TEX15: variants seen among roughly 807,000 people sequenced by gnomAD.
TEX15 encodes the protein testis expressed 15, meiosis and synapsis associated, also known as testis-expressed protein 15.
Under a neutral mutation model 237.3 loss-of-function variants are expected in TEX15, and 171 were observed. That is an observed-to-expected ratio of 0.72 (90% CI 0.64 to 0.82). The LOEUF (loss-of-function observed/expected upper bound fraction) is 0.82. Among genes scored for constraint, TEX15 ranks in the 40% least tolerant of loss-of-function variants. The pLI, the probability that TEX15 is intolerant of heterozygous loss-of-function variation, is 0.00. For missense variants in TEX15, 3,750 were observed against 3,646.5 expected (o/e 1.03, Z -0.73); for synonymous variants, 1,338 against 1,269.8 (o/e 1.05, Z -1.14).
At chr8:30,906,047 T>G (rs1774862016) in intron 1 of TEX15, among the ~76,000 whole-genome samples, 1 of 152,056 alleles carries the variant, frequency 6.6e-6, no homozygotes, top group Admixed American at 6.5e-5. Context: ...ATTTAGTAGA[T>G]TAATTCAGTT....
chr8:30,897,240 A>AT (rs1422858355), intron 2 of TEX15, among the ~76,000 whole-genome samples: 1 of 152,192 alleles, frequency 6.6e-6, no homozygotes, highest in Non-Finnish European at 1.5e-5. Context: ...TTAAAGTTGT[A>AT]TTGTAAACTG....
intron 2 of TEX15, chr8:30,887,877 ACATATATATTT>A (rs1808690823): frequency 7.4e-6 from 1 of 134,324 alleles, no homozygotes; most frequent in Non-Finnish European, 1.6e-5. Context: ...TATATATTTC[ACATATATATTT>A]CATATATATA....
chr8:30,858,840 G>A lies in TEX15; in HGVS notation c.688-10C>T. 2 of 1,516,768 alleles carry A rather than the reference G, an allele frequency of 1.3e-6. No homozygotes were observed. Among genetic ancestry groups the A allele is most frequent in the Non-Finnish European group, 1.8e-6 (2 of 1,140,110 alleles). 94.0% of individuals were successfully genotyped at this position (1,516,768 alleles called of 1,614,324 possible). A position where few individuals can be genotyped will look rare whatever the true frequency, so the allele number is the denominator to read the frequency against. On this transcript the variant is annotated splice_polypyrimidine_tract_variant and intron_variant, in intron 6 of 10. Transcript: ENST00000643185. Reference sequence around the variant, plus strand: ...ATTCATAGAAGTACACCTGAAAGATGAAAACAGGTTCATGCTGATTAATTT... The same window carrying A: ...ATTCATAGAAGTACACCTGAAAGATAAAAACAGGTTCATGCTGATTAATTT...
At chr8:30,881,345 G>T in intron 3 of TEX15, among the ~76,000 whole-genome samples, 1 of 151,600 alleles carries the variant, frequency 6.6e-6, no homozygotes, top group Admixed American at 6.6e-5. Context: ...AAACCATCTG[G>T]GCCTTAAACT....
rs767338126 is a variant in TEX15 at position 30,843,953 on chromosome 8, T to C, written c.6214A>G (p.Thr2072Ala). The change falls in exon 8 of 11, where the codon ACT becomes GCT. Residue 2072 changes from threonine to alanine, a missense_variant. Coordinates refer to ENST00000643185, the MANE Select transcript of TEX15 (RefSeq NM_001350162.2). Reference sequence around the variant, plus strand: ...ATCATCATTTGAAGTTCTACCAAAGTGTCAACAGCACATGGTTTTAATGTG... The same window carrying C: ...ATCATCATTTGAAGTTCTACCAAAGCGTCAACAGCACATGGTTTTAATGTG... ...KHTLKPCAVD[T>A]LVELQMMMET... 3 of 1,612,990 alleles carry C rather than the reference T, an allele frequency of 1.9e-6. No individual in the cohort carries two copies. In the East Asian group the frequency reaches 6.7e-5, roughly 36 times the overall value.
rs1585286116 is a variant in TEX15 at position 30,848,259 on chromosome 8, C to T, written c.1908G>A (p.Lys636=). ...DLEDSSKHEE[K]QTSWKEIDND... ...TATCAATTTCTTTCCATGAAGTTTG[C>T]TTTTCTTCATGTTTGGAACTGTCTT... The change falls in exon 8 of 11, where the codon AAG becomes AAA. Residue 636 remains lysine, a synonymous_variant. Coordinates refer to ENST00000643185, the MANE Select transcript of TEX15 (RefSeq NM_001350162.2). 13 of 1,611,886 alleles carry T rather than the reference C, an allele frequency of 8.1e-6. No individual in the cohort carries two copies. Among genetic ancestry groups the T allele is most frequent in the Admixed American group, 1.7e-5 (1 of 59,654 alleles).
intron 5 of TEX15, among the ~76,000 whole-genome samples, chr8:30,861,895 C>G (rs1362299914): frequency 6.6e-6 from 1 of 152,058 alleles, no homozygotes; most frequent in Non-Finnish European, 1.5e-5. Flanking sequence ...TCACTAAATA[C>G]AGTCAGTAAA....
At position 30,845,346 on chromosome 8, in the gene TEX15, G is replaced by C. The variant is rs372369352; in HGVS notation, c.4821C>G (p.Asp1607Glu). ...TACTTTCATTTATTACTTCATTAGC[G>C]TCACAACTGTTTTCTTTAGTTGCAT... Reference protein sequence around the residue: ...VKDATKENSCDANEVINESNS... With the variant: ...VKDATKENSCEANEVINESNS... The change falls in exon 8 of 11, where the codon GAC becomes GAG. Residue 1607 changes from aspartate (D) to glutamate (E), a missense_variant. Coordinates refer to ENST00000643185, the MANE Select transcript of TEX15 (RefSeq NM_001350162.2). The C allele has an allele frequency of 6.2e-7, 1 of 1,611,612 alleles. No homozygotes were observed. The highest frequency in any genetic ancestry group is 8.5e-7 in the Non-Finnish European group (1 of 1,178,576).
In TEX15 at chr8:30,842,684, A is replaced by T; in HGVS notation, c.7483T>A (p.Phe2495Ile). Residue 2495 changes from phenylalanine (F) to isoleucine (I), a missense_variant, in exon 8 of 11, where the codon TTT becomes ATT. Physicochemically the swap from Phe to Ile is conservative, Grantham distance 21. Coordinates refer to ENST00000643185, the MANE Select transcript of TEX15 (RefSeq NM_001350162.2). ...LVQCQEKMAS[F>I]SFLKDNSTDV... ...GTTGAGTTATCTTTAAGAAATGAAA[A>T]AGAAGCCATTTTTTCTTGGCACTGA... 6.2e-7 allele frequency: 1 copy of T among 1,612,970 alleles called. No individual in the cohort carries two copies. Among genetic ancestry groups the T allele is most frequent in the Non-Finnish European group, 8.5e-7 (1 of 1,179,792 alleles).
chr8:30,845,931 T>C lies in TEX15; in HGVS notation c.4236A>G (p.Leu1412=). Residue 1412 remains leucine (L), a synonymous_variant, in exon 8 of 11, where the codon TTA becomes TTG. Coordinates refer to ENST00000643185, the MANE Select transcript of TEX15 (RefSeq NM_001350162.2). ...TGCATATTATTGCATATGATTTTGG[T>C]AATGGGCCCTTTCTTTCTTCTCCTA... The part of the protein sequence containing the change: ...TKVGEERKGP[L]PKSYAIICNN... 2.5e-6 allele frequency: 4 copies of C among 1,613,356 alleles called. No homozygotes were observed. Among genetic ancestry groups the C allele is most frequent in the Non-Finnish European group, 3.4e-6 (4 of 1,179,624 alleles).
chr8:30,901,560 T>C (rs1274737839), intron 1 of TEX15, among the ~76,000 whole-genome samples: 1 of 152,192 alleles, frequency 6.6e-6, no homozygotes, highest in Non-Finnish European at 1.5e-5. Context: ...TTCCCATTCT[T>C]CAGGAAATTG....
At position 30,845,526 on chromosome 8, in the gene TEX15, A is replaced by T. The variant is rs770441497; in HGVS notation, c.4641T>A (p.His1547Gln). Residue 1547 changes from histidine to glutamine, a missense_variant, in exon 8 of 11, where the codon CAT (histidine) becomes CAA (glutamine). Coordinates refer to ENST00000643185, the MANE Select transcript of TEX15 (RefSeq NM_001350162.2). The part of the protein sequence containing the change: ...SVSNPSLSEE[H>Q]QPFSGKTAYL... Reference sequence around the variant, plus strand: ...ATGCAGTTTTTCCAGAAAAGGGCTGATGTTCTTCTGATAAACTTGGATTGC... The same window carrying T: ...ATGCAGTTTTTCCAGAAAAGGGCTGTTGTTCTTCTGATAAACTTGGATTGC... 6.2e-7 allele frequency: 1 copy of T among 1,613,650 alleles called. No individual in the cohort carries two copies. The highest frequency in any genetic ancestry group is 1.1e-5 in the South Asian group (1 of 91,058).
chr8:30,836,878 G>C lies in TEX15; in HGVS notation c.9406C>G (p.His3136Asp). The C allele has an allele frequency of 1.2e-6, 2 of 1,614,178 alleles. No homozygotes were observed. The highest frequency in any genetic ancestry group is 1.7e-6 in the Non-Finnish European group (2 of 1,180,022). The change falls in exon 10 of 11, where the codon CAT becomes GAT. Residue 3136 changes from histidine (H) to aspartate (D), a missense_variant. By Grantham distance (81) the His-to-Asp change is moderately conservative. Coordinates refer to ENST00000643185, the MANE Select transcript of TEX15 (RefSeq NM_001350162.2). The part of the protein sequence containing the change: ...RQPIFSQYAS[H>D]QPLPQATYPY... The stretch of plus-strand genomic sequence containing the variant: ...TATGTAGCTTGTGGTAATGGCTGAT[G>C]AGAAGCATATTGTGAAAAAATTGGC...
chr8:30,874,810 C>CA, intron 4 of TEX15, 127 bp downstream of exon 4: 1 of 555,014 alleles, frequency 1.8e-6, no homozygotes, highest in Non-Finnish European at 2.7e-6. Flanking sequence ...GAGAATGTAA[C>CA]AAAAAATAAT....
chr8:30,836,771 C>A, intron 10 of TEX15, 32 bp downstream of exon 10: 2 of 1,539,950 alleles, frequency 1.3e-6, no homozygotes, highest in South Asian at 1.3e-5. Flanking sequence ...AGTAACAACT[C>A]AATAAAGCAG....
At position 30,848,747 on chromosome 8, in the gene TEX15, A is replaced by T; in HGVS notation, c.1420T>A (p.Ser474Thr). The T allele has an allele frequency of 1.2e-6, 2 of 1,614,162 alleles. No individual in the cohort carries two copies. Among genetic ancestry groups the T allele is most frequent in the Non-Finnish European group, 1.7e-6 (2 of 1,180,026 alleles). The change falls in exon 8 of 11, where the codon TCT becomes ACT. Residue 474 changes from serine to threonine, a missense_variant. By Grantham distance (58) the Ser-to-Thr change is moderately conservative. Coordinates refer to ENST00000643185, the MANE Select transcript of TEX15 (RefSeq NM_001350162.2). ...ACTTCTGAGGAGGAGGCAGAATTAG[A>T]TGGTGTCGATTTTATTTCTGAATTA... ...NVNSEIKSTP[S>T]NSASSSEVVP...
At chr8:30,859,720 T>C (rs773274236) in intron 6 of TEX15, among the ~76,000 whole-genome samples, 191 bp downstream of exon 6, 4 of 152,166 alleles carry the variant, frequency 2.6e-5, no homozygotes, top group Non-Finnish European at 4.4e-5. Flanking sequence ...TTGAACTGAG[T>C]TAAATGTAAT....
intron 3 of TEX15, among the ~76,000 whole-genome samples, chr8:30,878,151 A>T (rs1419214514): frequency 7.9e-6 from 1 of 125,808 alleles, no homozygotes; most frequent in East Asian, 2.2e-4. Flanking sequence ...CCAAGTTGTT[A>T]TATGAGTAGA....
intron 7 of TEX15, among the ~76,000 whole-genome samples, chr8:30,856,633 C>A (rs1807919208): frequency 6.6e-6 from 1 of 152,028 alleles, no homozygotes; most frequent in Non-Finnish European, 1.5e-5. Context: ...CTAAAAGCTA[C>A]TGAATCTTAT....
Sources: allele counts gnomAD v4.1 joint callset (sites outside exome capture counted in the v4.1 genomes callset), GRCh38; gene constraint gnomAD v4.1.1; transcripts MANE v1.5; gene names NCBI Gene and HGNC (gene_info 2026-07-23, HGNC 2026-07-21).